The following AGBL1 variants were observed in gnomAD, a reference collection of about 807,000 sequenced individuals.
The protein encoded by AGBL1 is cytosolic carboxypeptidase 4.
A neutral mutation model predicts 118.9 loss-of-function variants in AGBL1; 130 were observed. The ratio of observed to expected loss-of-function variants is 1.09; its 90% CI spans 0.95 to 1.26. The LOEUF (loss-of-function observed/expected upper bound fraction) is 1.26, where lower values mean the gene tolerates loss of function less well. Ranked by LOEUF, AGBL1 falls within the 50% of genes most tolerant of loss-of-function variation. AGBL1 has a pLI of 0.00. For synonymous variants in AGBL1, 555 were observed against 478.9 expected (o/e 1.16, Z -2.08); for missense variants, 1,584 against 1,298.1 (o/e 1.22, Z -3.38).
chr15:87,025,892 A>C (rs979348726), intron 24 of AGBL1, among the ~76,000 whole-genome samples: 2 of 150,810 alleles, frequency 1.3e-5, no homozygotes, highest in Non-Finnish European at 2.9e-5. Context: ...AAGCAAACAA[A>C]AACATAGAGT....
At chr15:86,214,436 A>G (rs1283668548) in intron 5 of AGBL1, among the ~76,000 whole-genome samples, 2 of 152,242 alleles carry the variant, frequency 1.3e-5, no homozygotes, top group Non-Finnish European at 2.9e-5. Flanking sequence ...TTTACTCATT[A>G]TACCTCTCTA....
chr15:86,827,451 A>G lies in AGBL1; in HGVS notation c.3159-79636A>G, dbSNP rs1358794354. Among the ~76,000 whole-genome samples, 56 of 8,082 alleles carry G rather than the reference A, an allele frequency of 6.9e-3. 23 individuals carry two copies. Among genetic ancestry groups the G allele is most frequent in the South Asian group, 0.013 (3 of 236 alleles). 5.3% of individuals were successfully genotyped at this position (8,082 alleles called of 152,430 possible). ...TATACACATATATATATGTGTGTGT[A>G]TATATATATATATATATACATATAT... On this transcript the variant is annotated intron_variant, in intron 22 of 22. Transcript: ENST00000614907.
rs145916229 is a variant in AGBL1, at chr15:86,292,322, G to C, written c.2221-2933G>C. On this transcript the variant is annotated intron_variant, in intron 16 of 22. Coordinates refer to ENST00000614907, the MANE Select transcript of AGBL1 (RefSeq NM_001386094.1). ...GAGTGATGCAATTTTTGGCTTTGAA[G>C]GTGGAGGGAGGTACCATGAGTGAAG... 1.5e-3 allele frequency among the ~76,000 whole-genome samples: 235 copies of C among 152,194 alleles called. 1 individual carries two copies. Among genetic ancestry groups the C allele is most frequent in the African/African-American group, 5.5e-3 (228 of 41,530 alleles).
intron 6 of AGBL1, among the ~76,000 whole-genome samples, chr15:86,246,167 G>A (rs909471410): frequency 6.6e-6 from 1 of 152,176 alleles, no homozygotes; most frequent in African/African-American, 2.4e-5. Flanking sequence ...TTACAGGTGT[G>A]AGCCACCACG....
intron 21 of AGBL1, among the ~76,000 whole-genome samples, chr15:86,668,420 T>C (rs1271727191): frequency 6.6e-6 from 1 of 152,232 alleles, no homozygotes; most frequent in Non-Finnish European, 1.5e-5. Flanking sequence ...TTAATGTAGT[T>C]TCACCAATGC....
intron 22 of AGBL1, among the ~76,000 whole-genome samples, chr15:86,896,034 A>G (rs2080121151): frequency 6.6e-6 from 1 of 152,044 alleles, no homozygotes; most frequent in African/African-American, 2.4e-5. Flanking sequence ...TCTTTGCTGA[A>G]CTGTGTCTGT....
intron 22 of AGBL1, among the ~76,000 whole-genome samples, chr15:86,754,945 C>T (rs988413840): frequency 2.6e-5 from 4 of 151,954 alleles, no homozygotes; most frequent in South Asian, 2.1e-4. Flanking sequence ...TTTTCTTCCC[C>T]GTATCACATT....
In AGBL1 at chr15:86,674,424, A is replaced by G. The variant is rs749676607; in HGVS notation, c.3146A>G (p.Gln1049Arg). The G allele has an allele frequency of 6.2e-7, 1 of 1,606,460 alleles. No individual in the cohort carries two copies. Among genetic ancestry groups the G allele is most frequent in the East Asian group, 2.2e-5 (1 of 44,528 alleles). Residue 1049 changes from glutamine to arginine, a missense_variant, in exon 22 of 23, where the codon CAG becomes CGG. Gln to Arg is a conservative substitution (Grantham distance 43). Transcript: ENST00000614907. ...AGTGCTGAGGAGGACGCTCTGGACC[A>G]GCACCTCCAACGGTAAGATGCTCCC... ...LLSAEEDALD[Q>R]HLQRCSSSSG...
chr15:86,692,734 T>C (rs1307360148), intron 22 of AGBL1, among the ~76,000 whole-genome samples: 1 of 152,114 alleles, frequency 6.6e-6, no homozygotes, highest in Non-Finnish European at 1.5e-5. Flanking sequence ...GGAATCCAAT[T>C]TGTAGTCTTC....
chr15:86,351,536 A>G (rs2141901374), intron 17 of AGBL1, among the ~76,000 whole-genome samples: 1 of 152,290 alleles, frequency 6.6e-6, no homozygotes, highest in South Asian at 2.1e-4. Context: ...GAAATTAACA[A>G]ATTTCATTGA....
At chr15:86,402,304 T>C (rs2141997874) in intron 18 of AGBL1, among the ~76,000 whole-genome samples, 1 of 152,240 alleles carries the variant, frequency 6.6e-6, no homozygotes, top group East Asian at 1.9e-4. Context: ...TACATTGATT[T>C]TGTATCCTGA....
intron 17 of AGBL1, among the ~76,000 whole-genome samples, chr15:86,373,241 GC>G (rs1950931762): frequency 6.6e-6 from 1 of 152,124 alleles, no homozygotes; most frequent in South Asian, 2.1e-4. Flanking sequence ...CTTTTTATAT[GC>G]AATTTTCTTC....
chr15:86,151,189 T>C (rs1409818656), intron 3 of AGBL1, among the ~76,000 whole-genome samples: 1 of 151,490 alleles, frequency 6.6e-6, no homozygotes, highest in African/African-American at 2.4e-5. Flanking sequence ...TTGGGAGATA[T>C]ACCTAATGCT....
intron 21 of AGBL1, among the ~76,000 whole-genome samples, chr15:86,650,497 A>C (rs1567103310): frequency 6.6e-6 from 1 of 152,212 alleles, no homozygotes; most frequent in East Asian, 1.9e-4. Flanking sequence ...TGGGCCTCAC[A>C]GATGAATTTC....
At chr15:86,118,543 T>C (rs778517020) in intron 1 of AGBL1, among the ~76,000 whole-genome samples, 2 of 152,112 alleles carry the variant, frequency 1.3e-5, no homozygotes, top group African/African-American at 2.4e-5. Context: ...GAGCTTCTGT[T>C]TGAGTACAGC....
intron 23 of AGBL1, among the ~76,000 whole-genome samples, chr15:86,936,928 A>G (rs2080683315): frequency 6.6e-6 from 1 of 152,230 alleles, no homozygotes. Context: ...CATATCCAGC[A>G]TCCTTAAGGA....
intron 6 of AGBL1, among the ~76,000 whole-genome samples, chr15:86,243,020 G>A (rs1397885712): frequency 6.6e-6 from 1 of 152,138 alleles, no homozygotes; most frequent in African/African-American, 2.4e-5. Context: ...AGGAGCTGGG[G>A]TTAGACAAAA....
intron 22 of AGBL1, among the ~76,000 whole-genome samples, chr15:86,805,113 G>A (rs570074313): frequency 6.6e-6 from 1 of 152,084 alleles, no homozygotes; most frequent in East Asian, 1.9e-4. Flanking sequence ...GGTTAGCTGA[G>A]CAGAGCTGTC....
At chr15:86,245,916 T>C (rs567986137) in intron 6 of AGBL1, among the ~76,000 whole-genome samples, 3 of 152,296 alleles carry the variant, frequency 2.0e-5, no homozygotes, top group South Asian at 2.1e-4. Flanking sequence ...TGTTTTTTTT[T>C]CTTTTGAGCT....
Sources: allele counts gnomAD v4.1 joint callset (sites outside exome capture counted in the v4.1 genomes callset), GRCh38; gene constraint gnomAD v4.1.1; transcripts MANE v1.5; gene names NCBI Gene and HGNC (gene_info 2026-07-23, HGNC 2026-07-21).